Variants in CCDC38 observed in about 807,000 individuals in gnomAD.
The protein encoded by CCDC38 is coiled-coil domain-containing protein 38.
A neutral mutation model predicts 72.8 loss-of-function variants in CCDC38; 69 were observed. That is an observed-to-expected ratio of 0.95 (90% confidence interval 0.78 to 1.16). The LOEUF is 1.16. Among genes scored for constraint, CCDC38 ranks in the 50% most tolerant of loss-of-function variants. The probability of loss-of-function intolerance (pLI) is 0.00; values close to 1 mark genes in which losing one functional copy is unlikely to be tolerated. For synonymous variants in CCDC38, 201 were observed against 213.2 expected (o/e 0.94, Z 0.50); for missense variants, 626 against 638.9 (o/e 0.98, Z 0.22).
intron 4 of CCDC38, among the ~76,000 whole-genome samples, chr12:95,914,094 C>A (rs1254450326): frequency 6.6e-6 from 1 of 152,226 alleles, no homozygotes; most frequent in African/African-American, 2.4e-5. Flanking sequence ...GAGACCGAGG[C>A]AGGTGGATTA....
chr12:95,921,135 AAAAAAG>A lies in CCDC38; in HGVS notation c.38-2165_38-2160del, dbSNP rs530219290. On this transcript the variant is annotated intron_variant, in intron 2 of 15. Coordinates refer to ENST00000344280, the MANE Select transcript of CCDC38 (RefSeq NM_182496.3). ...AAGAGTGAAACTCCATCTCAAAAAAAAAAAAGAAAAAGAAAAAGAAAAAGAAAAGTC... is the reference window on the plus strand; with the variant it reads ...AAGAGTGAAACTCCATCTCAAAAAAAAAAAAGAAAAAGAAAAAGAAAAGTC... 3.4e-3 allele frequency among the ~76,000 whole-genome samples: 518 copies of A among 152,104 alleles called. 1 individual carries two copies. The highest frequency in any genetic ancestry group is 7.9e-3 in the African/African-American group (330 of 41,520).
intron 3 of CCDC38, among the ~76,000 whole-genome samples, 160 bp downstream of exon 3, chr12:95,918,716 C>G (rs2080171880): frequency 6.6e-6 from 1 of 152,196 alleles, no homozygotes; most frequent in African/African-American, 2.4e-5. Context: ...GGATGTTTTT[C>G]TGTCGTTTGT....
intron 4 of CCDC38, among the ~76,000 whole-genome samples, chr12:95,906,823 TATTTATTTG>T (rs1442937326): frequency 6.7e-6 from 1 of 150,170 alleles, no homozygotes; most frequent in Non-Finnish European, 1.5e-5. Context: ...TTTATTTATT[TATTTATTTG>T]TTTGTTTTTT....
At position 95,900,369 on chromosome 12, in the gene CCDC38, A is replaced by C. The variant is rs186434945; in HGVS notation, c.370-1638T>G. Among the ~76,000 whole-genome samples, 705 of 152,362 alleles carry C rather than the reference A, an allele frequency of 4.6e-3. 20 individuals carry two copies. Among genetic ancestry groups the C allele is most frequent in the Non-Finnish European group, 1.6e-3 (111 of 68,038 alleles). ...AATCACAGGATAGTGGCATCATGTT[A>C]GACAAAACTATTACCTTGTTATCGT... On this transcript the variant is annotated intron_variant, in intron 5 of 15. Coordinates refer to ENST00000344280, the MANE Select transcript of CCDC38 (RefSeq NM_182496.3).
At chr12:95,922,570 A>G (rs1433668900) in intron 2 of CCDC38, among the ~76,000 whole-genome samples, 1 of 152,218 alleles carries the variant, frequency 6.6e-6, no homozygotes, top group Non-Finnish European at 1.5e-5. Context: ...CAGCTGGTCC[A>G]ATTGATAGAG....
chr12:95,934,444 TA>T (rs1184033208), intron 2 of CCDC38: 1 of 152,140 alleles, frequency 6.6e-6, no homozygotes, highest in Non-Finnish European at 1.5e-5. Flanking sequence ...TTGTGAGTAA[TA>T]AAGTCGTTTG....
In CCDC38 at chr12:95,879,169, CTATATTCGCCCTGAGATATTGA is replaced by C. The variant is rs2079670343; in HGVS notation, c.1142+453_1142+474del. Among the ~76,000 whole-genome samples, 1 of 152,098 alleles carries C rather than the reference CTATATTCGCCCTGAGATATTGA, an allele frequency of 6.6e-6. No homozygotes were observed. Among genetic ancestry groups the C allele is most frequent in the African/African-American group, 2.4e-5 (1 of 41,408 alleles). On this transcript the variant is annotated intron_variant, in intron 12 of 15. Coordinates refer to ENST00000344280, the MANE Select transcript of CCDC38 (RefSeq NM_182496.3). The surrounding 1 kb of genome is among the most constrained non-coding windows in gnomAD (Gnocchi z 5.5). Reference sequence around the variant, plus strand: ...TGCTTTCCCCTGACAGAAATCCTTTCTATATTCGCCCTGAGATATTGACAGGAACTTTATAAAATGATATAAT... The same window carrying C: ...TGCTTTCCCCTGACAGAAATCCTTTCCAGGAACTTTATAAAATGATATAAT...
intron 15 of CCDC38, among the ~76,000 whole-genome samples, chr12:95,867,858 A>G (rs763682886): frequency 3.3e-5 from 5 of 152,196 alleles, no homozygotes; most frequent in Non-Finnish European, 5.9e-5. Context: ...GGAAACTACC[A>G]TAATTCTATG....
intron 2 of CCDC38, chr12:95,919,585 CTCTG>C (rs1565962721): frequency 2.2e-6 from 1 of 456,020 alleles, no homozygotes; most frequent in South Asian, 1.5e-5. Context: ...GTCACAGCTC[CTCTG>C]TCTGTTTCCC....
In CCDC38 at chr12:95,917,183, T is replaced by TTTTG; in HGVS notation, c.249_250insCAAA (p.Arg84GlnfsTer5). On this transcript the variant is annotated frameshift_variant, in exon 4 of 16. Coordinates refer to ENST00000344280, the MANE Select transcript of CCDC38 (RefSeq NM_182496.3). LOFTEE classifies it high-confidence loss of function. ...CCTGGCCCAAACTTTTCAAATGACC[T>TTTTG]ACCACTCCTTTTAGGGTAGAAAGCT... The TTTTG allele has an allele frequency of 1.2e-6, 2 of 1,607,578 alleles. No homozygotes were observed. The highest frequency in any genetic ancestry group is 1.7e-6 in the Non-Finnish European group (2 of 1,178,750).
chr12:95,887,370 G>A (rs2079771401), intron 10 of CCDC38, among the ~76,000 whole-genome samples: 1 of 152,184 alleles, frequency 6.6e-6, no homozygotes, highest in Non-Finnish European at 1.5e-5. Context: ...GGCCTTCAAT[G>A]AGCAAATAGT....
chr12:95,892,278 C>CTTTTTTTTTTT (rs774500212), intron 8 of CCDC38, among the ~76,000 whole-genome samples: 2 of 76,008 alleles, frequency 2.6e-5, no homozygotes, highest in African/African-American at 6.0e-5. Flanking sequence ...TTATTACAAT[C>CTTTTTTTTTTT]TTTTTTTTTT....
At chr12:95,931,391 A>T (rs977909066) in intron 2 of CCDC38, among the ~76,000 whole-genome samples, 1 of 152,220 alleles carries the variant, frequency 6.6e-6, no homozygotes, top group Non-Finnish European at 1.5e-5. Flanking sequence ...TAACTTAATC[A>T]TATTTGCAAA....
At chr12:95,938,655 T>C (rs559015523) in intron 1 of CCDC38, among the ~76,000 whole-genome samples, 1 of 152,314 alleles carries the variant, frequency 6.6e-6, no homozygotes, top group East Asian at 1.9e-4. Flanking sequence ...TCCATATGCA[T>C]GAATTCCTGT....
chr12:95,915,371 C>A (rs2080133989), intron 4 of CCDC38, among the ~76,000 whole-genome samples: 1 of 152,230 alleles, frequency 6.6e-6, no homozygotes, highest in South Asian at 2.1e-4. Flanking sequence ...AGTCCTGCAA[C>A]TATCCCAGGT....
At chr12:95,912,563 T>C (rs2080105763) in intron 4 of CCDC38, among the ~76,000 whole-genome samples, 1 of 152,142 alleles carries the variant, frequency 6.6e-6, no homozygotes, top group Non-Finnish European at 1.5e-5. Context: ...AAGGTGACTA[T>C]AGTTAGCAAT....
intron 3 of CCDC38, among the ~76,000 whole-genome samples, chr12:95,918,337 T>G (rs2080168392): frequency 6.6e-6 from 1 of 152,194 alleles, no homozygotes. Flanking sequence ...ATGCATTGTC[T>G]TATCCATATC....
intron 8 of CCDC38, among the ~76,000 whole-genome samples, chr12:95,893,407 T>TTCTC (rs2079850083): frequency 1.3e-4 from 11 of 85,256 alleles, no homozygotes; most frequent in African/African-American, 5.0e-4. Flanking sequence ...CTTATCTTCC[T>TTCTC]TCCCTCCCTC....
chr12:95,875,757 C>T (rs1176024830), intron 13 of CCDC38, among the ~76,000 whole-genome samples: 1 of 152,122 alleles, frequency 6.6e-6, no homozygotes, highest in Non-Finnish European at 1.5e-5. Context: ...CCGCAGAGTG[C>T]AATACATGAA....
Sources: gnomAD v4.1 joint callset for allele counts (sites outside exome capture counted in the v4.1 genomes callset) on GRCh38, gnomAD v4.1.1 for gene constraint, Gnocchi (gnomAD v3.1) non-coding constraint, MANE v1.5 for transcripts, NCBI Gene and HGNC (gene_info 2026-07-23, HGNC 2026-07-21) for gene names.